SLC8A3: variants seen among roughly 807,000 people sequenced by gnomAD.
SLC8A3 encodes the protein solute carrier family 8 member A3.
Under a neutral mutation model 65.4 loss-of-function variants are expected in SLC8A3, and 37 were observed. That is an observed-to-expected ratio of 0.57 (90% CI 0.44 to 0.74). SLC8A3 has a LOEUF of 0.74. Among genes scored for constraint, SLC8A3 ranks in the 30% least tolerant of loss-of-function variants. The pLI is 0.00. For missense variants in SLC8A3, 1,112 were observed against 1,172.1 expected, an observed-to-expected ratio of 0.95 and a Z score of 0.75; for synonymous variants, 461 against 444.5, an observed-to-expected ratio of 1.04 and a Z score of -0.47.
In SLC8A3 at chr14:70,168,056, T is replaced by C. The variant is rs531333275; in HGVS notation, c.367A>G (p.Thr123Ala). ...TCATTCCAGACCCGAATAGTGGTTGTGCTGGTTTCTCCATTGGGTTTCTTA... is the reference window on the plus strand; with the variant it reads ...TCATTCCAGACCCGAATAGTGGTTGCGCTGGTTTCTCCATTGGGTTTCTTA... ...TIKKPNGETS[T>A]TTIRVWNETV... Residue 123 changes from threonine (T) to alanine (A), a missense_variant, in exon 2 of 7, where the codon ACA becomes GCA. Transcript: ENST00000356921. 2.4e-5 allele frequency: 39 copies of C among 1,614,204 alleles called. No individual in the cohort carries two copies. The Middle Eastern group carries it at 8.3e-4, about 34-fold the overall frequency.
rs369863292 is a variant in SLC8A3 at position 70,170,821 on chromosome 14, A to C, written c.-62-2337T>G. On this transcript the variant is annotated intron_variant, in intron 1 of 6. Transcript: ENST00000356921. ...GAGTGGCAGCCAAGTTCTGAAGCCC[A>C]CATTCTCCATTAGTCCAGGTGCTGG... Among the ~76,000 whole-genome samples the C allele has an allele frequency of 2.6e-3, 396 of 152,276 alleles. 4 individuals are homozygous for C. The highest frequency in any genetic ancestry group is 9.2e-3 in the African/African-American group (383 of 41,548).
At chr14:70,117,816 C>G (rs1320262588) in intron 2 of SLC8A3, among the ~76,000 whole-genome samples, 1 of 152,166 alleles carries the variant, frequency 6.6e-6, no homozygotes, top group East Asian at 1.9e-4. Context: ...GCCCTAATTA[C>G]CCCTGGTGCC....
At chr14:70,057,056 A>AG (rs1330719050) in intron 3 of SLC8A3, among the ~76,000 whole-genome samples, 51 of 152,220 alleles carry the variant, frequency 3.4e-4, no homozygotes, top group Admixed American at 1.4e-3. Context: ...TGGGGGAACC[A>AG]GGGGGGACAT....
chr14:70,167,967 TA>T lies in SLC8A3; in HGVS notation c.455del (p.Leu152Ter). ...GSSAPEILLSLIEVCGHGFIA... is the reference protein window; with the variant it reads ...GSSAPEILLSXIEVCGHGFIA... ...TGAACCCATGACCACACACCTCAAT[TA>T]AAGAGAGGAGTATCTCAGGAGCAGA... On this transcript the variant is annotated frameshift_variant, in exon 2 of 7. Coordinates refer to ENST00000356921, the MANE Select transcript of SLC8A3 (RefSeq NM_182932.3). LOFTEE classifies it high-confidence loss of function. 6.2e-7 allele frequency: 1 copy of T among 1,613,952 alleles called. No homozygotes were observed. Among genetic ancestry groups the T allele is most frequent in the Non-Finnish European group, 8.5e-7 (1 of 1,179,966 alleles).
At chr14:70,117,377 G>T (rs944282661) in intron 2 of SLC8A3, among the ~76,000 whole-genome samples, 1 of 152,178 alleles carries the variant, frequency 6.6e-6, no homozygotes, top group African/African-American at 2.4e-5. Context: ...TGTGTGACTG[G>T]CATTGTGTTC....
chr14:70,158,653 G>A (rs1896714998), intron 2 of SLC8A3, among the ~76,000 whole-genome samples: 1 of 152,198 alleles, frequency 6.6e-6, no homozygotes, highest in Non-Finnish European at 1.5e-5. Flanking sequence ...TTGCACCTAT[G>A]TATGTTAATC....
At chr14:70,178,669 C>A (rs1054331345) in intron 1 of SLC8A3, among the ~76,000 whole-genome samples, 19 of 152,258 alleles carry the variant, frequency 1.2e-4, no homozygotes, top group African/African-American at 3.9e-4. Flanking sequence ...AAGTATTGGT[C>A]GAGTACTTAC....
intron 2 of SLC8A3, among the ~76,000 whole-genome samples, chr14:70,086,847 C>T (rs1268217805): frequency 1.3e-5 from 2 of 152,166 alleles, no homozygotes; most frequent in Non-Finnish European, 2.9e-5. Flanking sequence ...ACATGCCAAG[C>T]CTTCTGCTCT....
chr14:70,122,078 G>A (rs1364078411), intron 2 of SLC8A3, among the ~76,000 whole-genome samples: 2 of 152,138 alleles, frequency 1.3e-5, no homozygotes, highest in East Asian at 3.9e-4. Context: ...GTCCCACCAG[G>A]ATGAGATGAC....
At chr14:70,129,120 C>CT (rs1229172309) in intron 2 of SLC8A3, among the ~76,000 whole-genome samples, 1 of 152,226 alleles carries the variant, frequency 6.6e-6, no homozygotes, top group Non-Finnish European at 1.5e-5. Flanking sequence ...TAATTCCCCT[C>CT]TATACCCAAG....
At chr14:70,139,783 T>C (rs545368224) in intron 2 of SLC8A3, among the ~76,000 whole-genome samples, 6 of 152,294 alleles carry the variant, frequency 3.9e-5, no homozygotes, top group African/African-American at 1.4e-4. Flanking sequence ...AAGGGAAACA[T>C]GATTGCCCCT....
chr14:70,119,989 A>G (rs1183289415), intron 2 of SLC8A3, among the ~76,000 whole-genome samples: 2 of 152,142 alleles, frequency 1.3e-5, no homozygotes, highest in Non-Finnish European at 2.9e-5. Flanking sequence ...AGGGGAGTGT[A>G]TGTAGAAGTG....
chr14:70,080,942 A>G (rs368650947), intron 2 of SLC8A3, among the ~76,000 whole-genome samples: 1 of 152,218 alleles, frequency 6.6e-6, no homozygotes, highest in South Asian at 2.1e-4. Flanking sequence ...AACTTGCCCA[A>G]TGTCACACAG....
At chr14:70,126,590 A>T (rs1894472773) in intron 2 of SLC8A3, among the ~76,000 whole-genome samples, 1 of 151,578 alleles carries the variant, frequency 6.6e-6, no homozygotes, top group Non-Finnish European at 1.5e-5. Flanking sequence ...ACACACACAC[A>T]CACACACACA....
In SLC8A3 at chr14:70,157,571, C is replaced by G. The variant is rs572990274; in HGVS notation, c.1784+9068G>C. 2.8e-4 allele frequency among the ~76,000 whole-genome samples: 42 copies of G among 152,290 alleles called. 1 individual carries two copies. The South Asian group carries it at 8.7e-3, about 32-fold the overall frequency. The stretch of plus-strand genomic sequence containing the variant: ...TGCAGAGAGGAGCCATGAGCTAGGA[C>G]TTTGGGGTACCATTGCAAGCTGCAA... On this transcript the variant is annotated intron_variant, in intron 2 of 6. Transcript: ENST00000356921.
chr14:70,052,259 T>A (rs1887597159), intron 3 of SLC8A3, 145 bp from the exon 4 acceptor site: 1 of 968,148 alleles, frequency 1.0e-6, no homozygotes, highest in Non-Finnish European at 1.4e-6. Flanking sequence ...GTGCCTTTTT[T>A]ATGAAGTACT....
chr14:70,108,954 A>G (rs1192887019), intron 2 of SLC8A3, among the ~76,000 whole-genome samples: 5 of 152,082 alleles, frequency 3.3e-5, no homozygotes, highest in Non-Finnish European at 5.9e-5. Flanking sequence ...TTTACCTTCT[A>G]TTCTCTCAGG....
At chr14:70,064,985 T>C (rs1406257278) in intron 2 of SLC8A3, among the ~76,000 whole-genome samples, 2 of 152,098 alleles carry the variant, frequency 1.3e-5, no homozygotes, top group East Asian at 3.9e-4. Context: ...TCCCGGTGGG[T>C]GTGAGACACT....
intron 2 of SLC8A3, among the ~76,000 whole-genome samples, chr14:70,159,532 G>T (rs529639937): frequency 6.6e-6 from 1 of 152,126 alleles, no homozygotes; most frequent in Non-Finnish European, 1.5e-5. Flanking sequence ...CCTAGCTAAA[G>T]GGTGGAGAAG....
Sources: allele counts gnomAD v4.1 joint callset (sites outside exome capture counted in the v4.1 genomes callset), GRCh38; gene constraint gnomAD v4.1.1; transcripts MANE v1.5; gene names NCBI Gene and HGNC (gene_info 2026-07-23, HGNC 2026-07-21).